UNC80: variants seen among roughly 807,000 people sequenced by gnomAD.
UNC80 encodes the protein unc-80 subunit of NALCN channel complex.
In UNC80, 164 loss-of-function variants were observed where a neutral mutation model predicts 384.6. That is an observed-to-expected ratio of 0.43 (90% CI 0.38 to 0.49). UNC80 has a LOEUF of 0.49. Ranked by LOEUF, UNC80 falls within the 20% of genes least tolerant of loss-of-function variation. The probability of loss-of-function intolerance (pLI) is 0.00; values close to 1 mark genes in which losing one functional copy is unlikely to be tolerated. For synonymous variants in UNC80, 1,486 were observed against 1,527.8 expected (o/e 0.97, Z 0.64); for missense variants, 3,330 against 4,143.0 (o/e 0.80, Z 5.39).
At chr2:209,881,138 G>A in intron 25 of UNC80, 44 bp downstream of exon 25, 1 of 1,537,880 alleles carries the variant, frequency 6.5e-7, no homozygotes, top group Non-Finnish European at 8.8e-7. Flanking sequence ...ACTCGGAGAG[G>A]CCAGGCGTGT....
At chr2:209,828,808 C>G (rs948505200) in intron 14 of UNC80, among the ~76,000 whole-genome samples, 15 of 152,142 alleles carry the variant, frequency 9.9e-5, no homozygotes, top group African/African-American at 3.6e-4. Context: ...ATTCTTTTGT[C>G]TCTTTTATTC....
In UNC80 at chr2:209,993,333, T is replaced by C; in HGVS notation, c.9415T>C (p.Ser3139Pro). Reference protein sequence around the residue: ...GLRQLRRPLLSRQKTQTEPRN... With the variant: ...GLRQLRRPLLPRQKTQTEPRN... The stretch of plus-strand genomic sequence containing the variant: ...TCTTTAGCTAAGACGTCCTCTACTA[T>C]CACGTCAGAAAACTCAGACTGAACC... The change falls in exon 63 of 65, where the codon TCA becomes CCA. Residue 3139 changes from serine (S) to proline (P), a missense_variant. This residue lies in a region of UNC80 where 236 missense variants were observed against 254.9 expected (regional missense o/e 0.93). Transcript: ENST00000673920. 8.4e-6 allele frequency: 13 copies of C among 1,551,972 alleles called. No homozygotes were observed. The highest frequency in any genetic ancestry group is 1.1e-5 in the Non-Finnish European group (13 of 1,146,972).
At position 209,881,076 on chromosome 2, in the gene UNC80, T is replaced by C; in HGVS notation, c.4092T>C (p.Pro1364=). The C allele has an allele frequency of 6.4e-7, 1 of 1,551,674 alleles. No individual in the cohort carries two copies. The highest frequency in any genetic ancestry group is 8.7e-7 in the Non-Finnish European group (1 of 1,146,988). ...AGACCTTTTCTTGCCTGCCCAGACCTCGCACTGAGCCTCTGGTGGTAAGTT... is the reference window on the plus strand; with the variant it reads ...AGACCTTTTCTTGCCTGCCCAGACCCCGCACTGAGCCTCTGGTGGTAAGTT... ...LRETFSCLPR[P]RTEPLVDLES... is the part of the protein sequence containing the mutation. The change falls in exon 25 of 65, where the codon CCT becomes CCC. Residue 1364 remains proline, a synonymous_variant. Transcript: ENST00000673920.
intron 33 of UNC80, among the ~76,000 whole-genome samples, chr2:209,918,932 G>T (rs897933032): frequency 6.6e-6 from 1 of 152,110 alleles, no homozygotes; most frequent in African/African-American, 2.4e-5. Flanking sequence ...TTGGCCAAAG[G>T]TGGCCCTTTT....
chr2:209,900,557 C>A (rs1241397762), intron 28 of UNC80, among the ~76,000 whole-genome samples: 1 of 152,158 alleles, frequency 6.6e-6, no homozygotes, highest in East Asian at 1.9e-4. Context: ...TGAGACACAG[C>A]AATATTGAAA....
chr2:209,922,789 A>G (rs956496198), intron 35 of UNC80, among the ~76,000 whole-genome samples: 1 of 150,390 alleles, frequency 6.6e-6, no homozygotes, highest in Non-Finnish European at 1.5e-5. Flanking sequence ...AGTGTGTGTC[A>G]CTAGTTTTTG....
rs2089686197 is a variant in UNC80, at chr2:209,917,873, A to G, written c.5126A>G (p.Asn1709Ser). 6.4e-7 allele frequency: 1 copy of G among 1,551,934 alleles called. No homozygotes were observed. Among genetic ancestry groups the G allele is most frequent in the Non-Finnish European group, 8.7e-7 (1 of 1,147,038 alleles). The change falls in exon 32 of 65, where the codon AAC (asparagine) becomes AGC (serine). Residue 1709 changes from asparagine to serine, a missense_variant. Coordinates refer to ENST00000673920, the MANE Select transcript of UNC80 (RefSeq NM_001371986.1). ...FHHPETVQRL[N>S]AVLKFHTLWR... ...CACCCGGAGACTGTGCAGAGGCTGA[A>G]CGCTGTCCTCAAGTTCCACACGCTC... is the stretch of plus-strand genomic sequence containing the variant.
chr2:209,925,765 A>G (rs891030470), intron 35 of UNC80, among the ~76,000 whole-genome samples: 1 of 152,184 alleles, frequency 6.6e-6, no homozygotes, highest in Non-Finnish European at 1.5e-5. Flanking sequence ...TCCTTTAGCT[A>G]GACACAAAAG....
intron 51 of UNC80, 131 bp from the exon 52 acceptor site, chr2:209,967,306 G>A: frequency 1.9e-6 from 1 of 536,956 alleles, no homozygotes; most frequent in Non-Finnish European, 3.0e-6. Flanking sequence ...GAGGATGTTG[G>A]GAAGAATGTT....
intron 35 of UNC80, among the ~76,000 whole-genome samples, chr2:209,922,667 C>A (rs901638492): frequency 6.6e-6 from 1 of 152,146 alleles, no homozygotes. Flanking sequence ...CTCCACCTAG[C>A]TACAGTACAT....
chr2:209,923,021 T>A (rs78315456), intron 35 of UNC80, among the ~76,000 whole-genome samples: 5,023 of 152,306 alleles, frequency 0.033, 263 homozygotes, highest in African/African-American at 0.11. Flanking sequence ...TTATAAGAAC[T>A]ATTTATACAT....
At chr2:209,939,836 A>G (rs1240874824) in intron 43 of UNC80, among the ~76,000 whole-genome samples, 184 bp downstream of exon 43, 1 of 152,162 alleles carries the variant, frequency 6.6e-6, no homozygotes, top group East Asian at 1.9e-4. Flanking sequence ...ATTTAGCATT[A>G]GGTATATCTC....
chr2:209,967,408 A>C, intron 51 of UNC80, 29 bp from the exon 52 acceptor site: 1 of 1,393,194 alleles, frequency 7.2e-7, no homozygotes, highest in South Asian at 1.8e-5. Context: ...TTATACTTTA[A>C]AATATATATA....
intron 23 of UNC80, among the ~76,000 whole-genome samples, chr2:209,874,002 A>C (rs867686071): frequency 7.3e-5 from 11 of 150,602 alleles, no homozygotes; most frequent in Non-Finnish European, 1.5e-4. Flanking sequence ...TGTGTGTATG[A>C]TATGTTGGAG....
intron 7 of UNC80, chr2:209,809,456 G>C: frequency 1.4e-6 from 2 of 1,473,640 alleles, no homozygotes; most frequent in South Asian, 2.3e-5. Flanking sequence ...TCCAACCTGC[G>C]GGCCCACCTC....
At chr2:209,881,226 G>T in intron 25 of UNC80, 132 bp downstream of exon 25, 2 of 1,042,444 alleles carry the variant, frequency 1.9e-6, no homozygotes, top group East Asian at 2.7e-5. Flanking sequence ...ATTCAACCAA[G>T]GGATTTTGAA....
At position 209,817,689 on chromosome 2, in the gene UNC80, C is replaced by T; in HGVS notation, c.1553-123C>T. The T allele has an allele frequency of 1.8e-5, 22 of 1,220,416 alleles. No individual in the cohort carries two copies. The Admixed American group carries it at 2.9e-4, about 16-fold the overall frequency. The allele number at this position is 1,220,416 out of a possible 1,614,324, so 75.6% of individuals were successfully genotyped here. A position where few individuals can be genotyped will look rare whatever the true frequency, so the allele number is the denominator to read the frequency against. ...CAAGTTCAGTTCTTGCTTTTTTTGT[C>T]TGTGTTTCACACTTTTCCTAACAGC... On this transcript the variant is annotated intron_variant, in intron 10 of 64. Transcript: ENST00000673920.
chr2:209,841,025 T>G (rs963100263), intron 20 of UNC80, among the ~76,000 whole-genome samples: 1 of 152,180 alleles, frequency 6.6e-6, no homozygotes, highest in African/African-American at 2.4e-5. Context: ...ACACACATAA[T>G]TCATCCTTTT....
chr2:209,926,917 A>G lies in UNC80; in HGVS notation c.5737A>G (p.Ile1913Val). Residue 1913 changes from isoleucine to valine, a missense_variant, in exon 36 of 65, where the codon ATC becomes GTC. Physicochemically the swap from Ile to Val is conservative, Grantham distance 29. Coordinates refer to ENST00000673920, the MANE Select transcript of UNC80 (RefSeq NM_001371986.1). The part of the protein sequence containing the change: ...QPPQAVFPAC[I>V]CAAVLPIVHL... ...CCCACAAGCAGTGTTCCCAGCATGC[A>G]TCTGTGCAGCAGTACTTCCCATTGT... 6.4e-7 allele frequency: 1 copy of G among 1,552,258 alleles called. No homozygotes were observed. Among genetic ancestry groups the G allele is most frequent in the Non-Finnish European group, 8.7e-7 (1 of 1,147,070 alleles).
Sources: gnomAD v4.1 joint callset for allele counts (sites outside exome capture counted in the v4.1 genomes callset) on GRCh38, gnomAD v4.1.1 for gene constraint, gnomAD v4.1.1 regional missense constraint, MANE v1.5 for transcripts, NCBI Gene and HGNC (gene_info 2026-07-23, HGNC 2026-07-21) for gene names.